Variants in FHIT observed in about 807,000 individuals in gnomAD.
FHIT encodes the protein fragile histidine triad diadenosine triphosphatase, also known as bis(5'-adenosyl)-triphosphatase.
FHIT carries 19 observed loss-of-function variants against 17.9 expected under a neutral mutation model. That is an observed-to-expected ratio of 1.06 (90% confidence interval 0.74 to 1.56). The LOEUF (loss-of-function observed/expected upper bound fraction) is 1.56, where lower values mean the gene tolerates loss of function less well. Among genes scored for constraint, FHIT ranks in the 40% most tolerant of loss-of-function variants. The pLI is 0.00. For synonymous variants in FHIT, 81 were observed against 69.7 expected (o/e 1.16, Z -0.81); for missense variants, 248 against 189.2 (o/e 1.31, Z -1.82).
intron 2 of FHIT, among the ~76,000 whole-genome samples, chr3:61,197,867 G>A (rs1299179412): frequency 2.7e-5 from 4 of 150,500 alleles, no homozygotes; most frequent in African/African-American, 7.3e-5. Flanking sequence ...CCAGCTCTAC[G>A]CCCACATACA....
intron 5 of FHIT, among the ~76,000 whole-genome samples, chr3:60,375,952 A>G (rs566053518): frequency 2.6e-5 from 4 of 152,296 alleles, no homozygotes; most frequent in African/African-American, 9.6e-5. Context: ...GAGGAAGTGA[A>G]CATTTAATTT....
intron 7 of FHIT, among the ~76,000 whole-genome samples, chr3:59,926,555 G>A (rs150737622): frequency 1.3e-5 from 2 of 152,298 alleles, no homozygotes; most frequent in East Asian, 3.9e-4. Flanking sequence ...AAGAGAAGCA[G>A]GACTCAATTT....
chr3:59,840,767 T>A (rs1225421883), intron 8 of FHIT, among the ~76,000 whole-genome samples: 5 of 152,280 alleles, frequency 3.3e-5, no homozygotes, highest in Non-Finnish European at 5.9e-5. Context: ...AGGACTAGAC[T>A]ACTTAGGTTT....
chr3:61,024,253 A>G (rs61675578), intron 3 of FHIT, among the ~76,000 whole-genome samples: 2,726 of 152,270 alleles, frequency 0.018, 50 homozygotes, highest in Middle Eastern at 0.044. Context: ...AAAGCTTCAA[A>G]GGACTTTCTA....
At chr3:60,338,386 G>A (rs1369605397) in intron 5 of FHIT, among the ~76,000 whole-genome samples, 2 of 152,022 alleles carry the variant, frequency 1.3e-5, no homozygotes, top group Non-Finnish European at 2.9e-5. Context: ...ATTTATTTGA[G>A]ACAGGGTCTC....
intron 3 of FHIT, among the ~76,000 whole-genome samples, chr3:60,835,249 A>AT (rs1702494936): frequency 4.4e-4 from 2 of 4,596 alleles, no homozygotes; most frequent in African/African-American, 4.7e-4. Context: ...AATGTCATCT[A>AT]TATATGAAAA....
chr3:61,144,634 G>A (rs1000257119), intron 2 of FHIT, among the ~76,000 whole-genome samples: 1 of 152,150 alleles, frequency 6.6e-6, no homozygotes, highest in Non-Finnish European at 1.5e-5. Context: ...TTTTCCCCAA[G>A]TGGTTGCACC....
intron 4 of FHIT, among the ~76,000 whole-genome samples, chr3:60,785,542 T>C (rs551654271): frequency 1.3e-3 from 197 of 152,306 alleles, no homozygotes; most frequent in Middle Eastern, 3.4e-3. Flanking sequence ...CTCTGCTGTG[T>C]CTGAAAGTTG....
chr3:60,670,166 T>C (rs1348041093), intron 4 of FHIT, among the ~76,000 whole-genome samples: 2 of 152,176 alleles, frequency 1.3e-5, no homozygotes, highest in Non-Finnish European at 2.9e-5. Context: ...TAATGATTGA[T>C]TTTATACATT....
intron 4 of FHIT, among the ~76,000 whole-genome samples, chr3:60,804,050 G>C (rs1344306448): frequency 6.6e-6 from 1 of 152,150 alleles, no homozygotes; most frequent in Non-Finnish European, 1.5e-5. Context: ...TCCATTTTGA[G>C]GCAGTAGATT....
intron 3 of FHIT, among the ~76,000 whole-genome samples, chr3:60,869,795 C>T (rs1553754643): frequency 2.0e-5 from 3 of 152,120 alleles, no homozygotes; most frequent in African/African-American, 7.2e-5. Context: ...GCCACCATCA[C>T]TGCAAGTTGT....
intron 3 of FHIT, among the ~76,000 whole-genome samples, chr3:60,907,881 G>C (rs782273270): frequency 1.3e-5 from 2 of 152,156 alleles, no homozygotes; most frequent in African/African-American, 2.4e-5. Flanking sequence ...CTATGTGATT[G>C]ATACCACATA....
At chr3:60,633,637 G>A (rs1191904598) in intron 4 of FHIT, among the ~76,000 whole-genome samples, 1 of 152,176 alleles carries the variant, frequency 6.6e-6, no homozygotes, top group African/African-American at 2.4e-5. Context: ...GACTGTGTCT[G>A]TCATCACTTG....
intron 2 of FHIT, among the ~76,000 whole-genome samples, chr3:61,130,839 C>T (rs1342185202): frequency 6.6e-6 from 1 of 152,202 alleles, no homozygotes; most frequent in Non-Finnish European, 1.5e-5. Context: ...ACAGAGGATT[C>T]TGTCTTTGAG....
intron 4 of FHIT, among the ~76,000 whole-genome samples, chr3:60,730,904 C>A (rs1553710989): frequency 1.4e-5 from 2 of 147,892 alleles, no homozygotes; most frequent in Non-Finnish European, 3.0e-5. Context: ...ATCACGAGGT[C>A]AGGAGATAGA....
At chr3:60,586,229 A>C (rs1454164313) in intron 4 of FHIT, among the ~76,000 whole-genome samples, 2 of 152,044 alleles carry the variant, frequency 1.3e-5, no homozygotes, top group Admixed American at 6.6e-5. Context: ...TGTCAAAATG[A>C]ATAAATAAAG....
intron 8 of FHIT, among the ~76,000 whole-genome samples, chr3:59,814,829 G>A (rs1700538519): frequency 6.6e-6 from 1 of 152,084 alleles, no homozygotes; most frequent in Admixed American, 6.5e-5. Context: ...TCCCTTTGCT[G>A]ACTCTGCTTG....
chr3:61,014,603 C>G (rs1225767138), intron 3 of FHIT, among the ~76,000 whole-genome samples: 2 of 150,918 alleles, frequency 1.3e-5, no homozygotes, highest in Non-Finnish European at 2.9e-5. Context: ...CATGGAGAAA[C>G]CCCGTCTCTA....
intron 5 of FHIT, among the ~76,000 whole-genome samples, chr3:60,450,585 G>C (rs1559924432): frequency 6.6e-6 from 1 of 152,112 alleles, no homozygotes; most frequent in Non-Finnish European, 1.5e-5. Context: ...ATGCAGAGCA[G>C]GAAGAGAGAT....
Sources: allele counts gnomAD v4.1 joint callset (sites outside exome capture counted in the v4.1 genomes callset), GRCh38; gene constraint gnomAD v4.1.1; transcripts MANE v1.5; gene names NCBI Gene and HGNC (gene_info 2026-07-23, HGNC 2026-07-21).